Variants in DMD observed in about 807,000 individuals in gnomAD.
DMD encodes the protein mutant dystrophin.
Under a neutral mutation model 330.1 loss-of-function variants are expected in DMD, and 63 were observed. The observed-to-expected ratio is 0.19, with a 90% confidence interval of 0.16 to 0.24. The LOEUF is 0.24. DMD is among the 10% of genes least tolerant of loss of function. DMD has a pLI of 1.00. For synonymous variants in DMD, 1,223 were observed against 959.8 expected (o/e 1.27, Z -5.07); for missense variants, 3,344 against 2,684.1 (o/e 1.25, Z -5.43).
chrX:33,082,105 G>A (rs2094939467), intron 1 of DMD, among the ~76,000 whole-genome samples: 1 of 110,802 alleles, frequency 9.0e-6, no homozygotes, highest in African/African-American at 3.3e-5. Context: ...GAAAAAAATG[G>A]AGAAAAATAA....
chrX:31,169,699 T>G lies in DMD; in HGVS notation c.10395-98A>C, dbSNP rs1016547132. 6 of 830,598 alleles carry G rather than the reference T, an allele frequency of 7.2e-6. No individual in the cohort carries two copies. In the African/African-American group the frequency reaches 1.0e-4, roughly 14 times the overall value. 68.5% of individuals were successfully genotyped at this position (830,598 alleles called of 1,213,427 possible). A position where few individuals can be genotyped will look rare whatever the true frequency, so the allele number is the denominator to read the frequency against. Reference sequence around the variant, plus strand: ...GTATTTGAAAATAGAAACATTTATTTGCTCTTAACAATTAATTAGACCTTT... The same window carrying G: ...GTATTTGAAAATAGAAACATTTATTGGCTCTTAACAATTAATTAGACCTTT... On this transcript the variant is annotated intron_variant, in intron 73 of 78. Transcript: ENST00000357033.
intron 7 of DMD, among the ~76,000 whole-genome samples, chrX:32,731,656 A>G (rs2148043495): frequency 8.9e-6 from 1 of 111,870 alleles, no homozygotes; most frequent in South Asian, 3.8e-4. Context: ...GGGCATACTG[A>G]CACCTCACAC....
intron 7 of DMD, among the ~76,000 whole-genome samples, chrX:32,758,947 A>G (rs2071875110): frequency 8.9e-6 from 1 of 111,997 alleles, no homozygotes. Flanking sequence ...CTTCATCTGT[A>G]TGTTTTTCCT....
At chrX:33,033,502 A>T (rs2094149822) in intron 1 of DMD, among the ~76,000 whole-genome samples, 3 of 105,032 alleles carry the variant, frequency 2.9e-5, no homozygotes, top group Admixed American at 1.0e-4. Flanking sequence ...CAAGGTCAGG[A>T]GATCGAGACC....
chrX:33,008,220 G>T (rs1055884530), intron 2 of DMD, among the ~76,000 whole-genome samples: 2 of 111,175 alleles, frequency 1.8e-5, no homozygotes, highest in African/African-American at 6.5e-5. Context: ...AATAAGCAAA[G>T]CCCTTTTAAA....
At chrX:31,380,073 C>G (rs1356904002) in intron 60 of DMD, among the ~76,000 whole-genome samples, 1 of 110,724 alleles carries the variant, frequency 9.0e-6, no homozygotes, top group Admixed American at 9.6e-5. Context: ...CCTTCTTAAT[C>G]AATACGGAGG....
intron 50 of DMD, among the ~76,000 whole-genome samples, chrX:31,815,449 CA>C (rs772005297): frequency 1.0e-5 from 1 of 97,641 alleles, no homozygotes; most frequent in African/African-American, 3.9e-5. Flanking sequence ...GACTCAGTCT[CA>C]AAAAAAAAGA....
intron 47 of DMD, among the ~76,000 whole-genome samples, chrX:31,895,970 A>G (rs1369474604): frequency 8.9e-6 from 1 of 112,179 alleles, no homozygotes; most frequent in African/African-American, 3.2e-5. Context: ...GAGTGTATTT[A>G]AACTAACACT....
intron 9 of DMD, among the ~76,000 whole-genome samples, chrX:32,675,311 T>C (rs2061895623): frequency 9.0e-6 from 1 of 111,270 alleles, no homozygotes; most frequent in South Asian, 3.8e-4. Flanking sequence ...CAATTCTCTC[T>C]CTTCCACTCC....
In DMD at chrX:32,611,515, G is replaced by A. The variant is rs904117024; in HGVS notation, c.1482+2788C>T. Reference sequence around the variant, plus strand: ...AATTTTATGACAATATTTGTCAAACGTTTTCCATTTCATTCACATTATATC... The same window carrying A: ...AATTTTATGACAATATTTGTCAAACATTTTCCATTTCATTCACATTATATC... On this transcript the variant is annotated intron_variant, in intron 12 of 78. Transcript: ENST00000357033. Among the ~76,000 whole-genome samples, 4 of 111,423 alleles carry A rather than the reference G, an allele frequency of 3.6e-5. No individual in the cohort carries two copies. The South Asian group carries it at 1.1e-3, about 30-fold the overall frequency.
chrX:32,577,410 G>A (rs181543983), intron 13 of DMD, among the ~76,000 whole-genome samples: 1 of 112,570 alleles, frequency 8.9e-6, no homozygotes, highest in African/African-American at 3.2e-5. Context: ...AATTAAGATA[G>A]ATGGATTCTT....
chrX:31,313,589 T>C (rs771914188), intron 62 of DMD, among the ~76,000 whole-genome samples: 7 of 111,753 alleles, frequency 6.3e-5, no homozygotes, highest in Non-Finnish European at 1.3e-4. Context: ...ATGTATTGCA[T>C]AGTGGTGAAC....
At chrX:32,713,703 G>C (rs1291411729) in intron 7 of DMD, among the ~76,000 whole-genome samples, 3 of 111,610 alleles carry the variant, frequency 2.7e-5, no homozygotes, top group Non-Finnish European at 5.6e-5. Flanking sequence ...CTAGGGTTCT[G>C]TTATATCCTC....
At chrX:32,953,636 A>G (rs1287447649) in intron 2 of DMD, among the ~76,000 whole-genome samples, 2 of 112,076 alleles carry the variant, frequency 1.8e-5, no homozygotes, top group African/African-American at 6.5e-5. Flanking sequence ...ATACAGAAAT[A>G]TTCACTATAG....
At chrX:32,668,689 A>G (rs2061458907) in intron 9 of DMD, among the ~76,000 whole-genome samples, 1 of 111,193 alleles carries the variant, frequency 9.0e-6, no homozygotes, top group Admixed American at 9.6e-5. Context: ...AAACTGTTCC[A>G]GTGATGTCAT....
At chrX:33,130,842 C>A (rs1277691934) in intron 1 of DMD, among the ~76,000 whole-genome samples, 1 of 111,735 alleles carries the variant, frequency 8.9e-6, no homozygotes, top group Non-Finnish European at 1.9e-5. Flanking sequence ...TGAGCCACAG[C>A]GCCTGGCCGG....
intron 1 of DMD, among the ~76,000 whole-genome samples, chrX:33,159,995 T>A (rs752124838): frequency 6.2e-5 from 7 of 112,021 alleles, no homozygotes; most frequent in Non-Finnish European, 1.3e-4. Flanking sequence ...TTTGCAATGG[T>A]ATGAAATAGT....
chrX:31,156,756 G>A (rs2038172536), intron 74 of DMD, among the ~76,000 whole-genome samples: 1 of 111,934 alleles, frequency 8.9e-6, no homozygotes, highest in Admixed American at 9.5e-5. Context: ...CCTCAGATGT[G>A]CTAAAAACTT....
chrX:32,866,725 GGGGGGGGGTGGGGGGGT>G (rs2082516762), intron 2 of DMD, among the ~76,000 whole-genome samples: 2 of 25,470 alleles, frequency 7.9e-5, no homozygotes, highest in Non-Finnish European at 1.4e-4. Flanking sequence ...ACTTTTTTTT[GGGGGGGGGTGGGGGGGT>G]GGGGGGGGGG....
Sources: gnomAD v4.1 joint callset for allele counts (sites outside exome capture counted in the v4.1 genomes callset) on GRCh38, gnomAD v4.1.1 for gene constraint, MANE v1.5 for transcripts, NCBI Gene and HGNC (gene_info 2026-07-23, HGNC 2026-07-21) for gene names.